Variants in PTPN9 observed in about 807,000 individuals in gnomAD.
PTPN9 encodes the protein tyrosine-protein phosphatase non-receptor type 9.
PTPN9 carries 26 observed loss-of-function variants against 69.8 expected under a neutral mutation model. The observed-to-expected ratio is 0.37, with a 90% confidence interval of 0.27 to 0.52. PTPN9 has a LOEUF of 0.52. PTPN9 is among the 20% of genes least tolerant of loss of function. The probability of loss-of-function intolerance (pLI) is 0.91; values close to 1 mark genes in which losing one functional copy is unlikely to be tolerated. For synonymous variants in PTPN9, 274 were observed against 272.5 expected, an observed-to-expected ratio of 1.01 and a Z score of -0.05; for missense variants, 549 against 740.3, an observed-to-expected ratio of 0.74 and a Z score of 3.00.
chr15:75,549,844 C>T (rs768216656), intron 1 of PTPN9, among the ~76,000 whole-genome samples: 2 of 152,030 alleles, frequency 1.3e-5, no homozygotes, highest in Non-Finnish European at 2.9e-5. Context: ...TGTGGTAAAG[C>T]ATGCCTATAG....
chr15:75,555,482 T>G (rs796317254), intron 1 of PTPN9, among the ~76,000 whole-genome samples: 3 of 152,108 alleles, frequency 2.0e-5, no homozygotes, highest in African/African-American at 7.2e-5. Flanking sequence ...TTTTTGTTTT[T>G]TATTTACTTT....
intron 1 of PTPN9, among the ~76,000 whole-genome samples, chr15:75,577,430 T>C (rs561826216): frequency 3.3e-5 from 5 of 152,312 alleles, no homozygotes; most frequent in African/African-American, 1.2e-4. Context: ...AGCATTTTAT[T>C]AACATCCAAC....
chr15:75,546,551 G>C (rs140434366), intron 1 of PTPN9, among the ~76,000 whole-genome samples: 1 of 151,882 alleles, frequency 6.6e-6, no homozygotes, highest in Non-Finnish European at 1.5e-5. Context: ...GCTGAGGCAG[G>C]AGAATCGCTT....
chr15:75,551,523 C>A (rs1034560239), intron 1 of PTPN9, among the ~76,000 whole-genome samples: 2 of 152,126 alleles, frequency 1.3e-5, no homozygotes, highest in African/African-American at 4.8e-5. Flanking sequence ...CAAAGCCCAG[C>A]TAATTTTTCT....
At chr15:75,537,774 A>AAAAAAAAAAAAAAAAAAAAAAAAAAAAC (rs2074990814) in intron 1 of PTPN9, among the ~76,000 whole-genome samples, 1 of 135,748 alleles carries the variant, frequency 7.4e-6, no homozygotes, top group Non-Finnish European at 1.6e-5. Flanking sequence ...AAAAAAAAAA[A>AAAAAAAAAAAAAAAAAAAAAAAAAAAAC]AAGGCCAGGC....
intron 1 of PTPN9, among the ~76,000 whole-genome samples, chr15:75,556,105 C>T (rs1462404197): frequency 6.6e-6 from 1 of 150,972 alleles, no homozygotes; most frequent in African/African-American, 2.4e-5. Context: ...TTTTCTGTCG[C>T]CCAGGCTGGA....
chr15:75,476,877 C>T (rs1249055628), intron 9 of PTPN9, among the ~76,000 whole-genome samples: 3 of 152,186 alleles, frequency 2.0e-5, no homozygotes, highest in Non-Finnish European at 2.9e-5. Flanking sequence ...ACTTCATTTT[C>T]CACATTCAGA....
At chr15:75,556,945 C>T (rs2075080621) in intron 1 of PTPN9, among the ~76,000 whole-genome samples, 1 of 152,188 alleles carries the variant, frequency 6.6e-6, no homozygotes, top group South Asian at 2.1e-4. Flanking sequence ...GGAATCACAA[C>T]AGTTGTCCTC....
At chr15:75,485,027 T>A (rs1434465574) in intron 8 of PTPN9, among the ~76,000 whole-genome samples, 5 of 152,174 alleles carry the variant, frequency 3.3e-5, no homozygotes, top group Non-Finnish European at 7.3e-5. Flanking sequence ...ACTCGGAGTT[T>A]TCCCTCCCAT....
intron 7 of PTPN9, among the ~76,000 whole-genome samples, chr15:75,492,440 C>CA (rs1317452719): frequency 1.3e-5 from 2 of 152,056 alleles, no homozygotes; most frequent in East Asian, 3.9e-4. Context: ...AACTCCCTTA[C>CA]CATGGAAAGC....
chr15:75,566,737 T>C (rs1368761186), intron 1 of PTPN9, among the ~76,000 whole-genome samples: 1 of 151,886 alleles, frequency 6.6e-6, no homozygotes, highest in Non-Finnish European at 1.5e-5. Context: ...CCTATAATCT[T>C]AGCATTTTGG....
intron 5 of PTPN9, among the ~76,000 whole-genome samples, chr15:75,516,743 T>C (rs1365321592): frequency 3.0e-5 from 2 of 67,246 alleles, no homozygotes; most frequent in Non-Finnish European, 5.4e-5. Context: ...TTCCTGTGCT[T>C]TTTTTTTTTT....
intron 1 of PTPN9, among the ~76,000 whole-genome samples, chr15:75,542,001 C>A (rs1013178065): frequency 6.6e-6 from 1 of 151,790 alleles, no homozygotes; most frequent in Non-Finnish European, 1.5e-5. Flanking sequence ...GGTGCCACTG[C>A]ACTCCAGCCT....
intron 7 of PTPN9, among the ~76,000 whole-genome samples, chr15:75,494,086 C>G (rs1419788895): frequency 6.7e-6 from 1 of 148,334 alleles, no homozygotes; most frequent in Non-Finnish European, 1.5e-5. Flanking sequence ...CTCACAATAC[C>G]GAAATATTTA....
At chr15:75,561,161 C>T (rs1404507657) in intron 1 of PTPN9, among the ~76,000 whole-genome samples, 1 of 149,268 alleles carries the variant, frequency 6.7e-6, no homozygotes, top group South Asian at 2.1e-4. Context: ...ATTAAAAATA[C>T]AAAATTAGCC....
At chr15:75,526,255 G>A (rs1470133112) in intron 2 of PTPN9, among the ~76,000 whole-genome samples, 1 of 152,090 alleles carries the variant, frequency 6.6e-6, no homozygotes, top group Non-Finnish European at 1.5e-5. Flanking sequence ...GCCTCCCAAA[G>A]TGCTGAGATT....
At chr15:75,503,788 C>A (rs1185669732) in intron 7 of PTPN9, among the ~76,000 whole-genome samples, 3 of 120,594 alleles carry the variant, frequency 2.5e-5, no homozygotes, top group Non-Finnish European at 3.5e-5. Flanking sequence ...GGTCAGCCCC[C>A]CGTCCGGGAG....
In PTPN9 at chr15:75,570,010, G is replaced by A. The variant is rs185578349; in HGVS notation, c.63+8704C>T. Among the ~76,000 whole-genome samples the A allele has an allele frequency of 2.7e-3, 405 of 152,014 alleles. 1 individual carries two copies. Among genetic ancestry groups the A allele is most frequent in the African/African-American group, 9.1e-3 (379 of 41,504 alleles). On this transcript the variant is annotated intron_variant, in intron 1 of 12. Transcript: ENST00000618819. ...TAATTTTTGTATCTTTACTAGAGAC[G>A]GGATTTCATCATGTTGGCCAGGATG...
intron 9 of PTPN9, among the ~76,000 whole-genome samples, chr15:75,477,833 CTTTTTTTTTT>C (rs1196645006): frequency 3.3e-5 from 3 of 91,798 alleles, no homozygotes; most frequent in Non-Finnish European, 4.1e-5. Context: ...ATCAGATACT[CTTTTTTTTTT>C]TTTTTTTTTT....
Sources: allele counts gnomAD v4.1 joint callset (sites outside exome capture counted in the v4.1 genomes callset), GRCh38; gene constraint gnomAD v4.1.1; transcripts MANE v1.5; gene names NCBI Gene and HGNC (gene_info 2026-07-23, HGNC 2026-07-21).